ZMPSTE24: variants seen among roughly 807,000 people sequenced by gnomAD.
ZMPSTE24 encodes the protein zinc metallopeptidase STE24.
A neutral mutation model predicts 56.7 loss-of-function variants in ZMPSTE24; 48 were observed. The observed-to-expected ratio is 0.85, with a 90% CI of 0.67 to 1.08. The LOEUF (loss-of-function observed/expected upper bound fraction) is 1.08, where lower values mean the gene tolerates loss of function less well. Ranked by LOEUF, ZMPSTE24 falls within the 50% of genes least tolerant of loss-of-function variation. The pLI is 0.00. For missense variants in ZMPSTE24, 503 were observed against 548.7 expected (o/e 0.92, Z 0.83); for synonymous variants, 172 against 195.2 (o/e 0.88, Z 0.99).
intron 4 of ZMPSTE24, among the ~76,000 whole-genome samples, chr1:40,268,803 C>G (rs1010382695): frequency 6.6e-6 from 1 of 152,004 alleles, no homozygotes; most frequent in African/African-American, 2.4e-5. Flanking sequence ...TAAGGCCAGG[C>G]CCAGTGGCTC....
intron 5 of ZMPSTE24, among the ~76,000 whole-genome samples, chr1:40,271,269 T>A (rs1643612046): frequency 6.6e-6 from 1 of 152,218 alleles, no homozygotes; most frequent in Non-Finnish European, 1.5e-5. Context: ...TGCTCATTGT[T>A]TCATTTTCCA....
intron 7 of ZMPSTE24, among the ~76,000 whole-genome samples, chr1:40,282,545 T>C (rs747120918): frequency 3.3e-5 from 5 of 152,162 alleles, no homozygotes; most frequent in Non-Finnish European, 7.4e-5. Flanking sequence ...GGTCTTGTTA[T>C]GTTTTCCAGG....
chr1:40,286,030 G>GT lies in ZMPSTE24; in HGVS notation c.1059+2dup. 5.6e-6 allele frequency: 9 copies of GT among 1,611,584 alleles called. No individual in the cohort carries two copies. Among genetic ancestry groups the GT allele is most frequent in the South Asian group, 1.1e-5 (1 of 91,020 alleles). On this transcript the variant is annotated splice_donor_variant, in intron 8 of 9. Coordinates refer to ENST00000372759, the MANE Select transcript of ZMPSTE24 (RefSeq NM_005857.5). LOFTEE classifies it high-confidence loss of function. ...AGTCAAAAATATCATTATTAGCCAG[G>GT]TAAGTGTGGAGTGACAATTCTTTTT...
intron 8 of ZMPSTE24, among the ~76,000 whole-genome samples, chr1:40,286,789 G>T (rs1328554168): frequency 6.7e-6 from 1 of 148,244 alleles, no homozygotes; most frequent in Non-Finnish European, 1.5e-5. Context: ...GTGCAATGGC[G>T]TGATCTCGGC....
rs534236864 is a variant in ZMPSTE24 at position 40,281,233 on chromosome 1, A to G, written c.770-110A>G. ...GATATGATTTTTCTTCACATATTAA[A>G]TGATTTGAAAATGTTAATGTCCTTT... On this transcript the variant is annotated intron_variant, in intron 6 of 9. Transcript: ENST00000372759. 1.2e-4 allele frequency: 125 copies of G among 1,071,650 alleles called. No homozygotes were observed. In the East Asian group the frequency reaches 2.8e-3, roughly 24 times the overall value. The allele number at this position is 1,071,650 out of a possible 1,614,324, so 66.4% of individuals were successfully genotyped here.
At position 40,271,953 on chromosome 1, in the gene ZMPSTE24, G is replaced by A. The variant is rs1362286601; in HGVS notation, c.687G>A (p.Leu229=). 1.9e-6 allele frequency: 3 copies of A among 1,613,520 alleles called. No homozygotes were observed. The African/African-American group carries it at 4.0e-5, about 22-fold the overall frequency. The change falls in exon 6 of 10, where the codon CTG becomes CTA. Residue 229 remains leucine, a synonymous_variant. Coordinates refer to ENST00000372759, the MANE Select transcript of ZMPSTE24 (RefSeq NM_005857.5). The stretch of plus-strand genomic sequence containing the variant: ...CTTTATTTGACAAATTCACACCTCT[G>A]CCTGAGGGAAAGCTTAAAGAAGAAA... ...IAPLFDKFTP[L]PEGKLKEEIE...
chr1:40,268,668 G>T (rs1643581358), intron 4 of ZMPSTE24, 133 bp downstream of exon 4: 1 of 675,378 alleles, frequency 1.5e-6, no homozygotes. Flanking sequence ...TACAGATATG[G>T]TAAAGATCAT....
At chr1:40,265,719 A>G (rs1305105596) in intron 2 of ZMPSTE24, among the ~76,000 whole-genome samples, 2 of 152,190 alleles carry the variant, frequency 1.3e-5, no homozygotes, top group African/African-American at 2.4e-5. Context: ...ACAATTTATT[A>G]AAGCAATGAT....
chr1:40,282,709 A>C (rs1412041776), intron 7 of ZMPSTE24, among the ~76,000 whole-genome samples: 1 of 152,060 alleles, frequency 6.6e-6, no homozygotes, highest in Non-Finnish European at 1.5e-5. Flanking sequence ...GCCCCACGCT[A>C]TTTTTTTGAG....
Position 40,292,864 on chromosome 1 carries a change from G to A in ZMPSTE24, c.*195G>A, listed in dbSNP as rs1643858307. 1 of 511,450 alleles carries A rather than the reference G, an allele frequency of 2.0e-6. No homozygotes were observed. The highest frequency in any genetic ancestry group is 3.4e-6 in the Non-Finnish European group (1 of 290,878). The allele number at this position is 511,450 out of a possible 1,614,324, so 31.7% of individuals were successfully genotyped here. ...CTTAAAACACTGAATGAATTTTGAA[G>A]CTTAATGTTTTTAAAGGCATAGTTT... On this transcript the variant is annotated 3_prime_UTR_variant, in exon 10 of 10. Coordinates refer to ENST00000372759, the MANE Select transcript of ZMPSTE24 (RefSeq NM_005857.5).
At chr1:40,279,555 G>A (rs941755425) in intron 6 of ZMPSTE24, among the ~76,000 whole-genome samples, 7 of 152,160 alleles carry the variant, frequency 4.6e-5, no homozygotes, top group African/African-American at 1.7e-4. Context: ...TTGTGAAAAC[G>A]TTTTCTCTTT....
intron 2 of ZMPSTE24, among the ~76,000 whole-genome samples, chr1:40,264,310 G>T (rs1189005385): frequency 6.6e-6 from 1 of 152,022 alleles, no homozygotes; most frequent in Non-Finnish European, 1.5e-5. Flanking sequence ...CTCCAGCCTG[G>T]GTGACAGAGT....
At chr1:40,272,411 A>G (rs1289482757) in intron 6 of ZMPSTE24, among the ~76,000 whole-genome samples, 1 of 152,212 alleles carries the variant, frequency 6.6e-6, no homozygotes, top group African/African-American at 2.4e-5. Context: ...GGACTCTTGA[A>G]TAGTCAAATT....
At chr1:40,267,911 T>C in intron 3 of ZMPSTE24, 39 bp downstream of exon 3, 1 of 1,568,236 alleles carries the variant, frequency 6.4e-7, no homozygotes, top group Non-Finnish European at 8.8e-7. Flanking sequence ...ATGGTATTTC[T>C]TTTAGCTTGG....
intron 7 of ZMPSTE24, among the ~76,000 whole-genome samples, chr1:40,285,143 G>A (rs903339847): frequency 6.6e-6 from 1 of 151,020 alleles, no homozygotes; most frequent in African/African-American, 2.4e-5. Flanking sequence ...GTCTTGCTCT[G>A]TCTCCTAGGC....
intron 2 of ZMPSTE24, among the ~76,000 whole-genome samples, chr1:40,264,698 A>T (rs183703466): frequency 1.3e-5 from 2 of 151,878 alleles, no homozygotes; most frequent in Non-Finnish European, 2.9e-5. Flanking sequence ...AAACATAGTG[A>T]TACCCCATCT....
In ZMPSTE24 at chr1:40,268,003, A is replaced by G. The variant is rs1342626735; in HGVS notation, c.357+131A>G. On this transcript the variant is annotated intron_variant, in intron 3 of 9. Coordinates refer to ENST00000372759, the MANE Select transcript of ZMPSTE24 (RefSeq NM_005857.5). ...CTGTTTGCATAGTCCTTGGTTACCCATGCTGTATTGGCATAACATTAGTTA... is the reference window on the plus strand; with the variant it reads ...CTGTTTGCATAGTCCTTGGTTACCCGTGCTGTATTGGCATAACATTAGTTA... 1.4e-4 allele frequency: 111 copies of G among 782,696 alleles called. No homozygotes were observed. The South Asian group carries it at 1.5e-3, about 10-fold the overall frequency. The allele number at this position is 782,696 out of a possible 1,614,324, so 48.5% of individuals were successfully genotyped here. A position where few individuals can be genotyped will look rare whatever the true frequency, so the allele number is the denominator to read the frequency against.
intron 2 of ZMPSTE24, among the ~76,000 whole-genome samples, chr1:40,261,901 G>A (rs1643501621): frequency 3.3e-5 from 5 of 152,118 alleles, no homozygotes; most frequent in Admixed American, 2.6e-4. Context: ...AGTAGAGACG[G>A]GGTTTCACCA....
intron 7 of ZMPSTE24, among the ~76,000 whole-genome samples, chr1:40,283,727 T>C (rs1236123758): frequency 6.6e-6 from 1 of 152,062 alleles, no homozygotes; most frequent in Non-Finnish European, 1.5e-5. Context: ...GGTCCTATGG[T>C]TGTAAGAAAT....
Sources: gnomAD v4.1 joint callset for allele counts (sites outside exome capture counted in the v4.1 genomes callset) on GRCh38, gnomAD v4.1.1 for gene constraint, MANE v1.5 for transcripts, NCBI Gene and HGNC (gene_info 2026-07-23, HGNC 2026-07-21) for gene names.